Variants in ARHGEF37 observed in about 807,000 individuals in gnomAD.
The protein encoded by ARHGEF37 is Rho guanine nucleotide exchange factor (GEF) 37.
ARHGEF37 carries 55 observed loss-of-function variants against 71.1 expected under a neutral mutation model. The observed-to-expected ratio is 0.77, with a 90% CI of 0.62 to 0.97. ARHGEF37 has a LOEUF of 0.97. Among genes scored for constraint, ARHGEF37 ranks in the 50% least tolerant of loss-of-function variants. ARHGEF37 has a pLI of 0.00. For synonymous variants in ARHGEF37, 327 were observed against 350.6 expected (o/e 0.93, Z 0.75); for missense variants, 765 against 836.8 (o/e 0.91, Z 1.06).
intron 1 of ARHGEF37, among the ~76,000 whole-genome samples, chr5:149,570,469 A>G (rs13172354): frequency 0.66 from 99,320 of 150,800 alleles, 34,362 homozygotes; most frequent in East Asian, 1. Context: ...ACAGCTACTC[A>G]GGAGGTTGAG....
intron 12 of ARHGEF37, 120 bp from the exon 13 acceptor site, chr5:149,631,862 G>A (rs921775896): frequency 2.7e-5 from 25 of 938,556 alleles, no homozygotes; most frequent in African/African-American, 6.6e-5. Flanking sequence ...GGGAGGTGAC[G>A]AGCATCCAGC....
At chr5:149,574,589 T>A (rs1464239652) in intron 1 of ARHGEF37, among the ~76,000 whole-genome samples, 1 of 152,242 alleles carries the variant, frequency 6.6e-6, no homozygotes. Context: ...TATGGCTTCA[T>A]GTACAACGGA....
At chr5:149,620,315 C>G in intron 7 of ARHGEF37, 39 bp from the exon 8 acceptor site, 1 of 1,417,336 alleles carries the variant, frequency 7.1e-7, no homozygotes, top group Non-Finnish European at 9.5e-7. Context: ...ATGGCCATGA[C>G]AGGCATGATT....
chr5:149,604,907 TCTTGGCCCAGCAACAG>T (rs1195727023), intron 3 of ARHGEF37, among the ~76,000 whole-genome samples: 3 of 151,582 alleles, frequency 2.0e-5, no homozygotes, highest in African/African-American at 7.3e-5. Flanking sequence ...GGTTGCAAAC[TCTTGGCCCAGCAACAG>T]CATTTTGAAA....
In ARHGEF37 at chr5:149,634,698, T is replaced by C. The variant is rs1290169642; in HGVS notation, c.*2507T>C. Reference sequence around the variant, plus strand: ...GCACTGTGTCTTATTTATTTAACCGTTGGGCTGTCTCATACTAAACTTGCA... The same window carrying C: ...GCACTGTGTCTTATTTATTTAACCGCTGGGCTGTCTCATACTAAACTTGCA... On this transcript the variant is annotated 3_prime_UTR_variant, in exon 13 of 13. Transcript: ENST00000333677. The C allele has an allele frequency of 1.3e-5, 2 of 152,594 alleles. No homozygotes were observed. The highest frequency in any genetic ancestry group is 2.1e-4 in the South Asian group (1 of 4,828). 9.5% of individuals were successfully genotyped at this position (152,594 alleles called of 1,614,324 possible).
chr5:149,608,606 C>T (rs921648976), intron 3 of ARHGEF37, among the ~76,000 whole-genome samples: 12 of 151,772 alleles, frequency 7.9e-5, no homozygotes, highest in South Asian at 2.1e-4. Context: ...CTCCTGACCT[C>T]GTGATCCACC....
At chr5:149,610,121 T>C (rs1764035281) in intron 4 of ARHGEF37, among the ~76,000 whole-genome samples, 2 of 152,202 alleles carry the variant, frequency 1.3e-5, no homozygotes, top group Non-Finnish European at 2.9e-5. Context: ...CATAGCTTCA[T>C]TCAACAGCCA....
rs1171411422 is a variant in ARHGEF37, at chr5:149,632,255, G to A, written c.*64G>A. The A allele has an allele frequency of 1.3e-6, 2 of 1,558,086 alleles. No homozygotes were observed. Among genetic ancestry groups the A allele is most frequent in the African/African-American group, 2.7e-5 (2 of 73,400 alleles). ...GAGGCTTAGAGGCTCTGACCCTGGG[G>A]GGAAAAGAAGCAAAGGAAAGGTGGA... On this transcript the variant is annotated 3_prime_UTR_variant, in exon 13 of 13. Transcript: ENST00000333677.
At chr5:149,619,941 C>G (rs1340121078) in intron 7 of ARHGEF37, among the ~76,000 whole-genome samples, 1 of 151,924 alleles carries the variant, frequency 6.6e-6, no homozygotes, top group Non-Finnish European at 1.5e-5. Context: ...GGCAAGGTGT[C>G]ACACGCCTGT....
chr5:149,595,899 C>T (rs529265960), intron 1 of ARHGEF37, among the ~76,000 whole-genome samples: 1 of 151,768 alleles, frequency 6.6e-6, no homozygotes, highest in East Asian at 1.9e-4. Context: ...ACCCAGAACC[C>T]AAGCCAGGAT....
chr5:149,566,540 A>G (rs1047399349), intron 1 of ARHGEF37, among the ~76,000 whole-genome samples: 1 of 143,496 alleles, frequency 7.0e-6, no homozygotes, highest in Non-Finnish European at 1.5e-5. Flanking sequence ...AAACAACAAC[A>G]ACAACAACAA....
In ARHGEF37 at chr5:149,598,366, TTCTTCC is replaced by T. The variant is rs1025650872; in HGVS notation, c.186+423_186+428del. On this transcript the variant is annotated intron_variant, in intron 2 of 12. Coordinates refer to ENST00000333677, the MANE Select transcript of ARHGEF37 (RefSeq NM_001001669.3). ...CTTCCTCTTCTTCTTCCTCTTCCTC[TTCTTCC>T]TCTTCCTCTTCTTCCTCTTCCTCTC... 3.3e-4 allele frequency among the ~76,000 whole-genome samples: 38 copies of T among 115,252 alleles called. No homozygotes were observed. In the East Asian group the frequency reaches 9.5e-3, roughly 29 times the overall value. The allele number at this position is 115,252 out of a possible 152,430, so 75.6% of individuals were successfully genotyped here.
intron 7 of ARHGEF37, among the ~76,000 whole-genome samples, chr5:149,620,026 T>G (rs1187082448): frequency 6.8e-6 from 1 of 147,138 alleles, no homozygotes; most frequent in African/African-American, 2.5e-5. Context: ...TGAGCCAAGA[T>G]CATGCCACTG....
intron 4 of ARHGEF37, among the ~76,000 whole-genome samples, chr5:149,610,141 G>A (rs888422348): frequency 9.8e-5 from 15 of 152,350 alleles, no homozygotes; most frequent in African/African-American, 3.6e-4. Flanking sequence ...AGGAGGCAGG[G>A]CATGCCATCC....
chr5:149,562,301 A>G (rs569863344), intron 1 of ARHGEF37, among the ~76,000 whole-genome samples: 89 of 152,324 alleles, frequency 5.8e-4, no homozygotes, highest in Non-Finnish European at 1.0e-3. Flanking sequence ...GGCACTGTAT[A>G]GTTCATAGAG....
At chr5:149,619,963 C>T (rs898502775) in intron 7 of ARHGEF37, among the ~76,000 whole-genome samples, 1 of 151,664 alleles carries the variant, frequency 6.6e-6, no homozygotes, top group African/African-American at 2.4e-5. Flanking sequence ...GTCCCAGCTA[C>T]TCAGGAGGCT....
intron 1 of ARHGEF37, among the ~76,000 whole-genome samples, chr5:149,593,125 A>G (rs1367555031): frequency 6.6e-6 from 1 of 152,224 alleles, no homozygotes; most frequent in African/African-American, 2.4e-5. Context: ...CATTCCTGCC[A>G]GCATTTGATA....
chr5:149,627,900 C>T (rs1752744911), intron 11 of ARHGEF37, among the ~76,000 whole-genome samples: 1 of 152,134 alleles, frequency 6.6e-6, no homozygotes, highest in South Asian at 2.1e-4. Flanking sequence ...CAGTTTTTCC[C>T]CCTTCAGACA....
chr5:149,552,920 G>A (rs188051350), intron 1 of ARHGEF37, among the ~76,000 whole-genome samples: 20 of 152,228 alleles, frequency 1.3e-4, no homozygotes, highest in Admixed American at 9.8e-4. Context: ...TTAGTAATAG[G>A]GTTCATCTCG....
Sources: allele counts gnomAD v4.1 joint callset (sites outside exome capture counted in the v4.1 genomes callset), GRCh38; gene constraint gnomAD v4.1.1; transcripts MANE v1.5; gene names NCBI Gene and HGNC (gene_info 2026-07-23, HGNC 2026-07-21).